Variants in KDM4C observed in about 807,000 individuals in gnomAD.
KDM4C encodes lysine-specific demethylase 4C.
KDM4C carries 81 observed loss-of-function variants against 129.3 expected under a neutral mutation model. That is an observed-to-expected ratio of 0.63 (90% confidence interval 0.52 to 0.75). The LOEUF (loss-of-function observed/expected upper bound fraction) is 0.75. KDM4C is among the 30% of genes least tolerant of loss of function. The probability of loss-of-function intolerance (pLI) is 0.00; values close to 1 mark genes in which losing one functional copy is unlikely to be tolerated. For missense variants in KDM4C, 1,457 were observed against 1,304.0 expected (o/e 1.12, Z -1.81); for synonymous variants, 573 against 456.1 (o/e 1.26, Z -3.26).
chr9:6,967,301 G>A (rs940900840), intron 8 of KDM4C, among the ~76,000 whole-genome samples: 1 of 151,962 alleles, frequency 6.6e-6, no homozygotes, highest in East Asian at 1.9e-4. Context: ...GCAGGCGCCT[G>A]TAATCCCAGC....
intron 12 of KDM4C, among the ~76,000 whole-genome samples, chr9:6,991,004 G>C (rs963381078): frequency 1.3e-5 from 2 of 152,114 alleles, no homozygotes; most frequent in African/African-American, 4.8e-5. Context: ...CTAGATCGCT[G>C]TGATGCAGCT....
At chr9:6,823,937 T>C (rs1833461219) in intron 4 of KDM4C, among the ~76,000 whole-genome samples, 1 of 152,222 alleles carries the variant, frequency 6.6e-6, no homozygotes, top group Non-Finnish European at 1.5e-5. Context: ...ACATTTTCAC[T>C]CATACTGATG....
chr9:6,746,480 G>A (rs1398266959), intron 1 of KDM4C, among the ~76,000 whole-genome samples: 1 of 147,760 alleles, frequency 6.8e-6, no homozygotes, highest in African/African-American at 2.5e-5. Context: ...TGTTAGCCAG[G>A]ATGGTCTGGA....
intron 5 of KDM4C, among the ~76,000 whole-genome samples, chr9:6,866,014 G>A (rs1030873664): frequency 1.1e-4 from 16 of 152,096 alleles, no homozygotes; most frequent in East Asian, 7.8e-4. Flanking sequence ...CGGCCTCCCA[G>A]AGTGCTGGGA....
At chr9:6,747,379 C>G (rs1175472538) in intron 1 of KDM4C, among the ~76,000 whole-genome samples, 2 of 151,656 alleles carry the variant, frequency 1.3e-5, no homozygotes, top group Non-Finnish European at 2.9e-5. Context: ...AACCCCGTCT[C>G]TACTAAAAAT....
chr9:6,724,206 T>C (rs1817052187), intron 1 of KDM4C, among the ~76,000 whole-genome samples: 1 of 152,184 alleles, frequency 6.6e-6, no homozygotes, highest in South Asian at 2.1e-4. Flanking sequence ...CTACAAGTGA[T>C]GGTGACTGAC....
chr9:6,734,288 GTTTTT>G (rs57329090), intron 1 of KDM4C, among the ~76,000 whole-genome samples: 5 of 110,296 alleles, frequency 4.5e-5, no homozygotes, highest in African/African-American at 1.5e-4. Context: ...CCCATGTTTG[GTTTTT>G]TTTTTTTTTT....
intron 2 of KDM4C, among the ~76,000 whole-genome samples, chr9:6,799,513 C>A (rs1285654484): frequency 6.6e-6 from 1 of 152,022 alleles, no homozygotes; most frequent in Non-Finnish European, 1.5e-5. Flanking sequence ...AAGATGGCAG[C>A]AGCACAGTCC....
chr9:7,133,764 C>T (rs533082036), intron 19 of KDM4C, among the ~76,000 whole-genome samples: 1 of 152,292 alleles, frequency 6.6e-6, no homozygotes, highest in East Asian at 1.9e-4. Context: ...CCTCGCTTGG[C>T]AAGCATAGGT....
intron 5 of KDM4C, among the ~76,000 whole-genome samples, chr9:6,862,485 C>A (rs1841114262): frequency 6.6e-6 from 1 of 152,042 alleles, no homozygotes; most frequent in South Asian, 2.1e-4. Flanking sequence ...TGTAAAGAAG[C>A]TGTACAGGTA....
intron 17 of KDM4C, chr9:7,076,401 T>A (rs932567197): frequency 1.4e-6 from 2 of 1,446,896 alleles, no homozygotes; most frequent in African/African-American, 2.8e-5. Context: ...ATCTGGCATA[T>A]TGGACTTTTA....
intron 8 of KDM4C, among the ~76,000 whole-genome samples, chr9:6,919,829 C>T (rs1399756608): frequency 6.6e-6 from 1 of 151,960 alleles, no homozygotes; most frequent in Non-Finnish European, 1.5e-5. Flanking sequence ...CCTGCCTTGG[C>T]CCCCCAAAGT....
intron 8 of KDM4C, among the ~76,000 whole-genome samples, chr9:6,919,724 C>A (rs1821126239): frequency 6.6e-6 from 1 of 151,810 alleles, no homozygotes; most frequent in African/African-American, 2.4e-5. Context: ...TACAGGCGTG[C>A]ACCACCATGC....
chr9:6,981,940 T>G (rs1816833207), intron 9 of KDM4C: 1 of 180,270 alleles, frequency 5.5e-6, no homozygotes, highest in African/African-American at 2.4e-5. Context: ...TATCCAGAGA[T>G]AACCAGTATT....
At chr9:7,138,834 TA>T (rs1387736638) in intron 19 of KDM4C, among the ~76,000 whole-genome samples, 1 of 151,700 alleles carries the variant, frequency 6.6e-6, no homozygotes, top group Non-Finnish European at 1.5e-5. Context: ...AAAAATAAAA[TA>T]AAAGATGCCT....
upstream of KDM4C, among the ~76,000 whole-genome samples, chr9:6,755,411 C>A (rs889406191): frequency 7.3e-5 from 11 of 151,176 alleles, no homozygotes; most frequent in Non-Finnish European, 1.3e-4. Context: ...CATTATGGCA[C>A]ATGCCTGTAA....
chr9:6,893,501 G>A, intron 8 of KDM4C: 1 of 236,828 alleles, frequency 4.2e-6, no homozygotes, highest in South Asian at 9.9e-5. Context: ...TTATCTTGAG[G>A]CCTCCAGTTG....
chr9:6,802,830 C>G (rs1042716529), intron 2 of KDM4C, among the ~76,000 whole-genome samples: 2 of 152,226 alleles, frequency 1.3e-5, no homozygotes, highest in South Asian at 4.1e-4. Flanking sequence ...TGATCTTAAA[C>G]TTCTGACCTC....
chr9:7,069,150 A>G (rs529620657), intron 17 of KDM4C, among the ~76,000 whole-genome samples: 8 of 152,316 alleles, frequency 5.3e-5, no homozygotes, highest in Admixed American at 3.9e-4. Flanking sequence ...GCCTGGCTGT[A>G]TAAGTGCTCA....
Sources: allele counts gnomAD v4.1 joint callset (sites outside exome capture counted in the v4.1 genomes callset), GRCh38; gene constraint gnomAD v4.1.1; transcripts MANE v1.5; gene names NCBI Gene and HGNC (gene_info 2026-07-23, HGNC 2026-07-21).